The following LIMS1 variants were observed in gnomAD, a reference collection of about 807,000 sequenced individuals.
The protein encoded by LIMS1 is LIM and senescent cell antigen-like-containing domain protein 1.
LIMS1 carries 18 observed loss-of-function variants against 44.1 expected under a neutral mutation model. The ratio of observed to expected loss-of-function variants is 0.41; its 90% CI spans 0.28 to 0.61. LIMS1 has a LOEUF of 0.61. Among genes scored for constraint, LIMS1 ranks in the 20% least tolerant of loss-of-function variants. The pLI is 0.32. For synonymous variants in LIMS1, 93 were observed against 149.1 expected, an observed-to-expected ratio of 0.62 and a Z score of 2.74; for missense variants, 201 against 422.0, an observed-to-expected ratio of 0.48 and a Z score of 4.59.
chr2:108,609,579 C>T (rs1259435566), intron 1 of LIMS1, among the ~76,000 whole-genome samples: 2 of 152,192 alleles, frequency 1.3e-5, no homozygotes. Context: ...ATTCTCTCCT[C>T]CCTTTTCCTG....
intron 1 of LIMS1, among the ~76,000 whole-genome samples, chr2:108,551,827 T>G (rs1247345559): frequency 2.8e-5 from 4 of 144,480 alleles, no homozygotes; most frequent in Admixed American, 1.4e-4. Flanking sequence ...ACAATATACA[T>G]ATATACACAT....
At chr2:108,680,556 AAAAAAAAAG>A (rs1202298562) in intron 8 of LIMS1, 130 bp from the exon 9 acceptor site, 121 of 1,354,288 alleles carry the variant, frequency 8.9e-5, no homozygotes, top group South Asian at 3.4e-4. Flanking sequence ...AAAAAAAAAA[AAAAAAAAAG>A]GTTCTTGAGA....
intron 1 of LIMS1, among the ~76,000 whole-genome samples, chr2:108,622,397 A>G (rs995431357): frequency 6.6e-6 from 1 of 152,186 alleles, no homozygotes; most frequent in Non-Finnish European, 1.5e-5. Flanking sequence ...ACAAGCTTCA[A>G]CTTCTCTATT....
At chr2:108,567,156 C>A (rs1460389686) in intron 1 of LIMS1, among the ~76,000 whole-genome samples, 1 of 152,146 alleles carries the variant, frequency 6.6e-6, no homozygotes, top group African/African-American at 2.4e-5. Context: ...AAAATTGATT[C>A]CCAGTTGGGA....
chr2:108,632,662 G>T (rs748818281), intron 1 of LIMS1, among the ~76,000 whole-genome samples: 2 of 152,202 alleles, frequency 1.3e-5, no homozygotes, highest in African/African-American at 2.4e-5. Context: ...CTTTGAAAAT[G>T]TAAGAGGGAA....
intron 1 of LIMS1, among the ~76,000 whole-genome samples, chr2:108,548,444 G>GC (rs1207874098): frequency 2.0e-5 from 3 of 152,196 alleles, no homozygotes; most frequent in Non-Finnish European, 1.5e-5. Flanking sequence ...TTAACCCTGA[G>GC]CATGTGGTAT....
intron 1 of LIMS1, among the ~76,000 whole-genome samples, chr2:108,559,178 A>G (rs1395604398): frequency 1.3e-5 from 2 of 152,160 alleles, no homozygotes; most frequent in Non-Finnish European, 2.9e-5. Context: ...GTTTGCACAT[A>G]AAGTTCTCTG....
At chr2:108,597,219 A>C (rs1200567541) in intron 1 of LIMS1, among the ~76,000 whole-genome samples, 1 of 151,924 alleles carries the variant, frequency 6.6e-6, no homozygotes, top group African/African-American at 2.4e-5. Flanking sequence ...AAAACATCTT[A>C]ATTTGACCTT....
intron 2 of LIMS1, among the ~76,000 whole-genome samples, chr2:108,663,594 G>C (rs2148978503): frequency 6.6e-6 from 1 of 152,306 alleles, no homozygotes; most frequent in Non-Finnish European, 1.5e-5. Flanking sequence ...TAGGGACCTG[G>C]TGTGCAGCTG....
At chr2:108,686,177 G>T (rs1317311974) in exon 10 of LIMS1, 1 of 151,738 alleles carries the variant, frequency 6.6e-6, no homozygotes, top group Admixed American at 6.6e-5. Flanking sequence ...AAATTAGCCG[G>T]GCGTGGTGGC....
intron 1 of LIMS1, among the ~76,000 whole-genome samples, chr2:108,646,987 C>T (rs980482183): frequency 2.0e-5 from 3 of 152,114 alleles, no homozygotes; most frequent in Non-Finnish European, 4.4e-5. Flanking sequence ...TCCCAAAGTG[C>T]TGGGATTACA....
At chr2:108,618,996 G>C (rs981385764) in intron 1 of LIMS1, among the ~76,000 whole-genome samples, 2 of 135,286 alleles carry the variant, frequency 1.5e-5, no homozygotes, top group Admixed American at 1.4e-4. Context: ...GTTTCAGCTC[G>C]TTTGTTTTAT....
At chr2:108,681,293 T>C (rs1477128019) in intron 9 of LIMS1, 2 of 985,256 alleles carry the variant, frequency 2.0e-6, no homozygotes, top group East Asian at 2.3e-4. Context: ...ACTGGTCCTT[T>C]TGCATAACTG....
chr2:108,534,289 C>T (rs1220695906), upstream of LIMS1: 2 of 184,392 alleles, frequency 1.1e-5, no homozygotes, highest in East Asian at 1.4e-4. Context: ...CCCCGCCCCC[C>T]CGCGCCTACC....
At chr2:108,684,082 C>A (rs1358205434) in exon 10 of LIMS1, 4 of 698,372 alleles carry the variant, frequency 5.7e-6, no homozygotes, top group Non-Finnish European at 2.4e-6. Flanking sequence ...AAAGCTATAT[C>A]TCAAAGCAGT....
intron 1 of LIMS1, chr2:108,588,333 A>C (rs2104674928): frequency 1.0e-6 from 1 of 985,366 alleles, no homozygotes; most frequent in Middle Eastern, 5.2e-4. Context: ...ACAGAGACAA[A>C]GCTAAGATGA....
intron 1 of LIMS1, among the ~76,000 whole-genome samples, chr2:108,557,044 C>A (rs1684946868): frequency 6.6e-6 from 1 of 152,142 alleles, no homozygotes; most frequent in Non-Finnish European, 1.5e-5. Context: ...CCTGTAGTAA[C>A]TGTCACTACC....
intron 1 of LIMS1, among the ~76,000 whole-genome samples, chr2:108,640,677 A>G (rs1689612347): frequency 6.6e-6 from 1 of 152,220 alleles, no homozygotes. Flanking sequence ...TAATAATTGT[A>G]CATATTTATG....
At chr2:108,577,925 G>T (rs1050675377) in intron 1 of LIMS1, among the ~76,000 whole-genome samples, 5 of 152,126 alleles carry the variant, frequency 3.3e-5, no homozygotes, top group African/African-American at 1.2e-4. Flanking sequence ...TGTTTTTTGA[G>T]ACGGAGTCTT....
Sources: allele counts gnomAD v4.1 joint callset (sites outside exome capture counted in the v4.1 genomes callset), GRCh38; gene constraint gnomAD v4.1.1; transcripts MANE v1.5; gene names NCBI Gene and HGNC (gene_info 2026-07-23, HGNC 2026-07-21).